Variants in CCDC47 observed in about 807,000 individuals in gnomAD.
CCDC47 encodes coiled-coil domain containing 47.
CCDC47 carries 41 observed loss-of-function variants against 60.5 expected under a neutral mutation model. The observed-to-expected ratio is 0.68, with a 90% CI of 0.53 to 0.88. The LOEUF (loss-of-function observed/expected upper bound fraction) is 0.88. Among genes scored for constraint, CCDC47 ranks in the 40% least tolerant of loss-of-function variants. The pLI, the probability that CCDC47 is intolerant of heterozygous loss-of-function variation, is 0.00. For missense variants in CCDC47, 513 were observed against 580.9 expected, an observed-to-expected ratio of 0.88 and a Z score of 1.20; for synonymous variants, 195 against 190.7, an observed-to-expected ratio of 1.02 and a Z score of -0.18.
chr17:63,760,830 C>T, intron 6 of CCDC47, 84 bp downstream of exon 6: 1 of 955,386 alleles, frequency 1.0e-6, no homozygotes. Context: ...CAGAGTGAGA[C>T]TCCATCAAAA....
Position 63,746,647 on chromosome 17 carries a change from AAT to A in CCDC47, c.*232_*233del. ...TCATAGATCATTCCTTTTATAAAAT[AAT>A]CAAAATAATTTGATTATCTGGAAAA... is the stretch of plus-strand genomic sequence containing the variant. On this transcript the variant is annotated 3_prime_UTR_variant, in exon 13 of 13. Transcript: ENST00000225726. The A allele has an allele frequency of 2.4e-6, 1 of 414,124 alleles. No individual in the cohort carries two copies. Among genetic ancestry groups the A allele is most frequent in the Non-Finnish European group, 4.3e-6 (1 of 231,140 alleles). The allele number at this position is 414,124 out of a possible 1,614,324, so 25.7% of individuals were successfully genotyped here.
At chr17:63,762,712 A>G (rs2039269748) in intron 4 of CCDC47, among the ~76,000 whole-genome samples, 1 of 152,186 alleles carries the variant, frequency 6.6e-6, no homozygotes, top group Non-Finnish European at 1.5e-5. Context: ...CCAAAACTCA[A>G]GTGTCAGATT....
chr17:63,754,742 G>A (rs2039192238), intron 8 of CCDC47, among the ~76,000 whole-genome samples: 1 of 151,846 alleles, frequency 6.6e-6, no homozygotes, highest in African/African-American at 2.4e-5. Flanking sequence ...AATTAGCCGG[G>A]CATGGTGGCA....
At chr17:63,770,997 AAAG>A (rs1224473224) in intron 1 of CCDC47, among the ~76,000 whole-genome samples, 1,505 of 66,072 alleles carry the variant, frequency 0.023, 20 homozygotes, top group Middle Eastern at 0.07. Context: ...AAAAAAAAAA[AAAG>A]AAAGAAAGAA....
intron 6 of CCDC47, among the ~76,000 whole-genome samples, chr17:63,759,197 A>G (rs984576314): frequency 2.6e-5 from 4 of 152,104 alleles, no homozygotes; most frequent in Non-Finnish European, 5.9e-5. Flanking sequence ...TCTTTAAAAT[A>G]TAACAGTGGG....
At chr17:63,769,386 G>T (rs2039319777) in intron 1 of CCDC47, among the ~76,000 whole-genome samples, 1 of 152,044 alleles carries the variant, frequency 6.6e-6, no homozygotes. Context: ...GGCTGAGGTG[G>T]GCAGATCACC....
At chr17:63,755,246 T>C in intron 8 of CCDC47, 1 of 970,930 alleles carries the variant, frequency 1.0e-6, no homozygotes, top group South Asian at 4.8e-5. Flanking sequence ...AGATTACAAG[T>C]GTGAACCACA....
At position 63,765,120 on chromosome 17, in the gene CCDC47, CCACA is replaced by C. The variant is rs56697502; in HGVS notation, c.265-277_265-274del. On this transcript the variant is annotated intron_variant, in intron 2 of 12. Transcript: ENST00000225726. Reference sequence around the variant, plus strand: ...AGAGAATATATTGTAAGTATTCTCACCACACACACACACACACACACACACACAC... The same window carrying C: ...AGAGAATATATTGTAAGTATTCTCACCACACACACACACACACACACACAC... 8.9e-3 allele frequency: 1,337 copies of C among 150,170 alleles called. 22 individuals carry two copies. Among genetic ancestry groups the C allele is most frequent in the African/African-American group, 0.029 (1,147 of 39,248 alleles). 9.3% of individuals were successfully genotyped at this position (150,170 alleles called of 1,614,324 possible).
chr17:63,761,914 G>A (rs2039264534), intron 4 of CCDC47: 3 of 701,402 alleles, frequency 4.3e-6, no homozygotes, highest in Non-Finnish European at 5.3e-6. Context: ...ACGATGATCA[G>A]CTTAGAGTAT....
rs369401528 is a variant in CCDC47, at chr17:63,764,797, A to G, written c.315T>C (p.Tyr105=). The change falls in exon 3 of 13, where the codon TAT becomes TAC. Residue 105 remains tyrosine, a synonymous_variant. Transcript: ENST00000225726. ...TAGAAGAAGTATCTGGTTTGTCTTCATAACCTTCAAATTCTTCATCATCAT... is the reference window on the plus strand; with the variant it reads ...TAGAAGAAGTATCTGGTTTGTCTTCGTAACCTTCAAATTCTTCATCATCAT... ...EPYDDEEFEG[Y]EDKPDTSSSK... is the part of the protein sequence containing the mutation. 30 of 1,613,546 alleles carry G rather than the reference A, an allele frequency of 1.9e-5. No homozygotes were observed. The highest frequency in any genetic ancestry group is 1.3e-4 in the African/African-American group (10 of 74,882).
chr17:63,751,742 G>T (rs935479744), intron 12 of CCDC47, 198 bp downstream of exon 12: 2 of 644,580 alleles, frequency 3.1e-6, no homozygotes, highest in African/African-American at 3.6e-5. Flanking sequence ...AATTTTTCAC[G>T]TTCACAGACT....
In CCDC47 at chr17:63,752,081, A is replaced by C; in HGVS notation, c.1230T>G (p.Arg410=). 1 of 1,613,688 alleles carries C rather than the reference A, an allele frequency of 6.2e-7. No homozygotes were observed. Among genetic ancestry groups the C allele is most frequent in the Non-Finnish European group, 8.5e-7 (1 of 1,179,980 alleles). ...TCAAGAAGTTCTCTTCTACTCGGGC[A>C]CGGTTCTTATCTGCTTTTTGTTTGC... ...REGKQKADKN[R]ARVEENFLKL... is the part of the protein sequence containing the mutation. Residue 410 remains arginine, a synonymous_variant, in exon 12 of 13, where the codon CGT becomes CGG. Transcript: ENST00000225726.
intron 8 of CCDC47, among the ~76,000 whole-genome samples, chr17:63,755,575 A>T (rs1406689546): frequency 6.6e-6 from 1 of 152,202 alleles, no homozygotes; most frequent in Non-Finnish European, 1.5e-5. Context: ...GAATGAAAGC[A>T]TAAAGATAAC....
At chr17:63,772,254 T>TG (rs1254150535) in intron 1 of CCDC47, among the ~76,000 whole-genome samples, 1 of 139,980 alleles carries the variant, frequency 7.1e-6, no homozygotes, top group East Asian at 2.1e-4. Flanking sequence ...CCAAGGGTTT[T>TG]TTTTTTTTTT....
intron 6 of CCDC47, among the ~76,000 whole-genome samples, chr17:63,759,388 C>T (rs1200940150): frequency 4.8e-5 from 7 of 146,250 alleles, no homozygotes; most frequent in Non-Finnish European, 1.1e-4. Flanking sequence ...GCTTGGGAGG[C>T]TGAGGCAGGA....
At chr17:63,770,656 C>T (rs145221254) in intron 1 of CCDC47, among the ~76,000 whole-genome samples, 2 of 152,176 alleles carry the variant, frequency 1.3e-5, no homozygotes, top group African/African-American at 2.4e-5. Flanking sequence ...AGGTTATTGT[C>T]GAATGCCTTG....
At chr17:63,748,888 C>T (rs982860807) in intron 12 of CCDC47, among the ~76,000 whole-genome samples, 5 of 151,880 alleles carry the variant, frequency 3.3e-5, no homozygotes, top group African/African-American at 1.2e-4. Flanking sequence ...GTGGCGGGCA[C>T]CTGTAATCCC....
Position 63,752,327 on chromosome 17 carries a change from T to C in CCDC47, c.1196A>G (p.Asn399Ser). ...SIDKAKKFRL[N>S]REGKQKADKN... ...ACAGGCATTGGGTCTTACTTCTCTG[T>C]TGAGTCGGAACTTTTTGGCTTTATC... The change falls in exon 11 of 13, where the codon AAC becomes AGC. Residue 399 changes from asparagine (N) to serine (S), a missense_variant. Transcript: ENST00000225726. 1 of 1,611,088 alleles carries C rather than the reference T, an allele frequency of 6.2e-7. No homozygotes were observed. Among genetic ancestry groups the C allele is most frequent in the Non-Finnish European group, 8.5e-7 (1 of 1,177,352 alleles).
chr17:63,755,419 A>T, intron 8 of CCDC47: 1 of 243,984 alleles, frequency 4.1e-6, no homozygotes, highest in Non-Finnish European at 6.5e-6. Flanking sequence ...CAGGAATTCC[A>T]GACCAGCCTG....
Sources: allele counts gnomAD v4.1 joint callset (sites outside exome capture counted in the v4.1 genomes callset), GRCh38; gene constraint gnomAD v4.1.1; transcripts MANE v1.5; gene names NCBI Gene and HGNC (gene_info 2026-07-23, HGNC 2026-07-21).